Variants in FLVCR2 observed in about 807,000 individuals in gnomAD.
The protein encoded by FLVCR2 is choline/ethanolamine transporter FLVCR2.
A neutral mutation model predicts 48.9 loss-of-function variants in FLVCR2; 38 were observed. The observed-to-expected ratio is 0.78, with a 90% CI of 0.60 to 1.02. The LOEUF (loss-of-function observed/expected upper bound fraction) is 1.02, where lower values mean the gene tolerates loss of function less well. FLVCR2 is among the 50% of genes least tolerant of loss of function. The pLI is 0.00. For synonymous variants in FLVCR2, 255 were observed against 257.0 expected (o/e 0.99, Z 0.07); for missense variants, 664 against 663.3 (o/e 1.00, Z -0.01).
intron 9 of FLVCR2, among the ~76,000 whole-genome samples, chr14:75,645,657 C>T (rs1890404724): frequency 6.6e-6 from 1 of 152,170 alleles, no homozygotes; most frequent in Non-Finnish European, 1.5e-5. Flanking sequence ...GTGGGTCACG[C>T]CTGTAATCCC....
chr14:75,605,456 C>A, intron 1 of FLVCR2: 1 of 1,494,838 alleles, frequency 6.7e-7, no homozygotes, highest in Non-Finnish European at 8.9e-7. Context: ...GGTGGCCCAG[C>A]CAGACACTTC....
intron 1 of FLVCR2, among the ~76,000 whole-genome samples, chr14:75,614,672 T>G (rs1240009609): frequency 6.6e-6 from 1 of 152,190 alleles, no homozygotes; most frequent in African/African-American, 2.4e-5. Context: ...ACAGCTGTAT[T>G]AGTCTGTTTT....
Position 75,616,188 on chromosome 14 carries a change from A to C in FLVCR2, c.670-5891A>C, listed in dbSNP as rs543299065. On this transcript the variant is annotated intron_variant, in intron 1 of 9. Transcript: ENST00000238667. Reference sequence around the variant, plus strand: ...CAAAAAATTAAAAAATCAGCCAGGCATGGTGTCATGATCCTGTAGTTCCAG... The same window carrying C: ...CAAAAAATTAAAAAATCAGCCAGGCCTGGTGTCATGATCCTGTAGTTCCAG... 2.2e-3 allele frequency among the ~76,000 whole-genome samples: 332 copies of C among 150,162 alleles called. 2 individuals are homozygous for C. Among genetic ancestry groups the C allele is most frequent in the African/African-American group, 7.8e-3 (320 of 40,798 alleles).
At position 75,578,908 on chromosome 14, in the gene FLVCR2, C is replaced by T. The variant is rs771050688; in HGVS notation, c.-65C>T. The T allele has an allele frequency of 4.0e-5, 58 of 1,443,990 alleles. No individual in the cohort carries two copies. The highest frequency in any genetic ancestry group is 4.9e-5 in the Non-Finnish European group (50 of 1,026,170). 89.4% of individuals were successfully genotyped at this position (1,443,990 alleles called of 1,614,324 possible). On this transcript the variant is annotated 5_prime_UTR_variant, in exon 1 of 10. Transcript: ENST00000238667. ...TTCAACTCTAAGAGACCAGCAGAGGCCACTGTCCCTTAAGACTGCCGGAGT... is the reference window on the plus strand; with the variant it reads ...TTCAACTCTAAGAGACCAGCAGAGGTCACTGTCCCTTAAGACTGCCGGAGT...
At chr14:75,619,412 C>T (rs1889705045) in intron 1 of FLVCR2, among the ~76,000 whole-genome samples, 1 of 151,750 alleles carries the variant, frequency 6.6e-6, no homozygotes, top group African/African-American at 2.4e-5. Context: ...GAACCTGGAC[C>T]TTAATAGAGA....
chr14:75,626,453 C>A (rs1889903204), intron 3 of FLVCR2, among the ~76,000 whole-genome samples: 1 of 151,800 alleles, frequency 6.6e-6, no homozygotes, highest in Non-Finnish European at 1.5e-5. Flanking sequence ...GAGGGGCAAT[C>A]CTGTTTTTCA....
At chr14:75,636,180 C>G (rs908774071) in intron 5 of FLVCR2, among the ~76,000 whole-genome samples, 1 of 152,134 alleles carries the variant, frequency 6.6e-6, no homozygotes, top group Non-Finnish European at 1.5e-5. Context: ...CTCCAAAGTT[C>G]CCAGTGTCTG....
At position 75,624,761 on chromosome 14, in the gene FLVCR2, T is replaced by C. The variant is rs1404698134; in HGVS notation, c.952+9T>C. ...GCTTGTCATCACCTATGGTAAGGTG[T>C]CAATGTGTCTAGGAATGCATTCGAG... On this transcript the variant is annotated intron_variant, in intron 3 of 9. Coordinates refer to ENST00000238667, the MANE Select transcript of FLVCR2 (RefSeq NM_017791.3). 3.1e-6 allele frequency: 5 copies of C among 1,614,076 alleles called. No individual in the cohort carries two copies. In the Admixed American group the frequency reaches 6.7e-5, roughly 22 times the overall value.
intron 1 of FLVCR2, chr14:75,605,814 C>A: frequency 1.7e-6 from 1 of 600,464 alleles, no homozygotes. Context: ...AAAAGAGGGA[C>A]ACAGAAGCTG....
chr14:75,616,536 A>G (rs1020072089), intron 1 of FLVCR2, among the ~76,000 whole-genome samples: 2 of 152,160 alleles, frequency 1.3e-5, no homozygotes, highest in Admixed American at 6.5e-5. Flanking sequence ...TTTATGGAGT[A>G]TGGACTTTTT....
At chr14:75,609,787 G>C (rs1054329679) in intron 1 of FLVCR2, among the ~76,000 whole-genome samples, 1 of 152,124 alleles carries the variant, frequency 6.6e-6, no homozygotes, top group African/African-American at 2.4e-5. Flanking sequence ...GTCGTCACGT[G>C]AGCATCCCTT....
At position 75,590,485 on chromosome 14, in the gene FLVCR2, C is replaced by T. The variant is rs146285408; in HGVS notation, c.669+10844C>T. 2.2e-4 allele frequency among the ~76,000 whole-genome samples: 34 copies of T among 152,300 alleles called. No homozygotes were observed. The East Asian group carries it at 4.6e-3, about 21-fold the overall frequency. ...CTATAGTCCTGAGAGTCTTAACTTG[C>T]TGATATGGTTTGGGTCTGTGTCCCC... is the stretch of plus-strand genomic sequence containing the variant. On this transcript the variant is annotated intron_variant, in intron 1 of 9. Coordinates refer to ENST00000238667, the MANE Select transcript of FLVCR2 (RefSeq NM_017791.3).
intron 1 of FLVCR2, among the ~76,000 whole-genome samples, chr14:75,589,090 C>T (rs1029338757): frequency 6.6e-6 from 1 of 152,046 alleles, no homozygotes; most frequent in African/African-American, 2.4e-5. Flanking sequence ...GTTGCACATG[C>T]CTGTAGTCCC....
At chr14:75,622,671 T>C (rs142634094) in intron 2 of FLVCR2, among the ~76,000 whole-genome samples, 4 of 152,218 alleles carry the variant, frequency 2.6e-5, no homozygotes, top group African/African-American at 9.6e-5. Flanking sequence ...TGAGATTAGA[T>C]AGCTCGTAAG....
rs867873565 is a variant in FLVCR2 at position 75,589,058 on chromosome 14, T to A, written c.669+9417T>A. On this transcript the variant is annotated intron_variant, in intron 1 of 9. Transcript: ENST00000238667. ...ACCAGCCTGGACAACATTTTTTTTTTTAAAAAAAGAAGCTGTGCATGGTTG... is the reference window on the plus strand; with the variant it reads ...ACCAGCCTGGACAACATTTTTTTTTATAAAAAAAGAAGCTGTGCATGGTTG... Among the ~76,000 whole-genome samples the A allele has an allele frequency of 1.3e-3, 201 of 151,922 alleles. 1 individual carries two copies. Among genetic ancestry groups the A allele is most frequent in the Middle Eastern group, 0.01 (3 of 294 alleles).
At chr14:75,584,405 G>C (rs1259684101) in intron 1 of FLVCR2, among the ~76,000 whole-genome samples, 1 of 107,002 alleles carries the variant, frequency 9.3e-6, no homozygotes, top group Admixed American at 1.1e-4. Context: ...GTGATAAAAT[G>C]CATATTGAGA....
intron 1 of FLVCR2, among the ~76,000 whole-genome samples, chr14:75,618,889 T>TG (rs969384301): frequency 2.6e-5 from 4 of 151,798 alleles, no homozygotes; most frequent in African/African-American, 9.7e-5. Context: ...AGCAGGGTTT[T>TG]TTTTTTTTTT....
At chr14:75,628,347 T>C (rs2140043181) in intron 3 of FLVCR2, among the ~76,000 whole-genome samples, 1 of 152,236 alleles carries the variant, frequency 6.6e-6, no homozygotes, top group Non-Finnish European at 1.5e-5. Flanking sequence ...ACTCCTGACC[T>C]CAGGTGATCT....
At chr14:75,632,955 C>T in intron 3 of FLVCR2, 1 of 702,354 alleles carries the variant, frequency 1.4e-6, no homozygotes, top group Non-Finnish European at 2.6e-6. Context: ...TCCTTTGGGT[C>T]AGTTCCAGTC....
Sources: allele counts gnomAD v4.1 joint callset (sites outside exome capture counted in the v4.1 genomes callset), GRCh38; gene constraint gnomAD v4.1.1; transcripts MANE v1.5; gene names NCBI Gene and HGNC (gene_info 2026-07-23, HGNC 2026-07-21).